The following MGAT5 variants were observed in gnomAD, a reference collection of about 807,000 sequenced individuals.
MGAT5 encodes alpha-1,6-mannosylglycoprotein 6-beta-N-acetylglucosaminyltransferase.
Under a neutral mutation model 94.3 loss-of-function variants are expected in MGAT5, and 30 were observed. The observed-to-expected ratio is 0.32, with a 90% CI of 0.24 to 0.43. The LOEUF (loss-of-function observed/expected upper bound fraction) is 0.43, where lower values mean the gene tolerates loss of function less well. MGAT5 is among the 20% of genes least tolerant of loss of function. MGAT5 has a pLI of 1.00. For missense variants in MGAT5, 691 were observed against 905.5 expected (o/e 0.76, Z 3.04); for synonymous variants, 310 against 322.9 (o/e 0.96, Z 0.43).
chr2:134,173,921 C>T (rs1049958969), intron 1 of MGAT5, among the ~76,000 whole-genome samples: 4 of 152,222 alleles, frequency 2.6e-5, no homozygotes, highest in African/African-American at 9.6e-5. Context: ...TTGGATCATC[C>T]TGAAGGTGGT....
chr2:134,364,325 C>T (rs1200838132), intron 10 of MGAT5, among the ~76,000 whole-genome samples: 1 of 152,098 alleles, frequency 6.6e-6, no homozygotes, highest in Non-Finnish European at 1.5e-5. Flanking sequence ...CATGGTGAAA[C>T]CCTGTCTGTA....
intron 1 of MGAT5, among the ~76,000 whole-genome samples, chr2:134,254,914 T>C (rs959065292): frequency 1.3e-5 from 2 of 152,220 alleles, no homozygotes; most frequent in African/African-American, 4.8e-5. Flanking sequence ...TAGCTCCTTC[T>C]CCCTGAACAC....
At chr2:134,304,012 T>G (rs910650475) in intron 2 of MGAT5, among the ~76,000 whole-genome samples, 1 of 152,210 alleles carries the variant, frequency 6.6e-6, no homozygotes, top group African/African-American at 2.4e-5. Context: ...ATTGTAAGTG[T>G]TATCTGTGGG....
At chr2:134,248,935 G>C (rs906599903) in intron 1 of MGAT5, among the ~76,000 whole-genome samples, 3 of 152,070 alleles carry the variant, frequency 2.0e-5, no homozygotes, top group African/African-American at 7.3e-5. Context: ...AGTGTTCTCA[G>C]GTGGGTTGAG....
At chr2:134,413,160 C>T (rs1018672038) in intron 12 of MGAT5, 145 bp downstream of exon 12, 5 of 882,810 alleles carry the variant, frequency 5.7e-6, no homozygotes, top group Admixed American at 2.7e-5. Flanking sequence ...GACCTGATCA[C>T]ATCACCTTGC....
At chr2:134,306,651 G>GA (rs1173253002) in intron 2 of MGAT5, among the ~76,000 whole-genome samples, 1 of 152,098 alleles carries the variant, frequency 6.6e-6, no homozygotes, top group Non-Finnish European at 1.5e-5. Context: ...TCCTGAGGGT[G>GA]AATGAGGCTA....
In MGAT5 at chr2:134,260,114, G is replaced by A. The variant is rs1001598253; in HGVS notation, c.241+5470G>A. On this transcript the variant is annotated intron_variant, in intron 1 of 15. Transcript: ENST00000281923. ...GGTAGAAGGGAGGCCACTGTAGCTA[G>A]AACGAAGCAAGCAAGCAGTGGCATG... Among the ~76,000 whole-genome samples, 3 of 152,180 alleles carry A rather than the reference G, an allele frequency of 2.0e-5. No individual in the cohort carries two copies. The South Asian group carries it at 6.2e-4, about 31-fold the overall frequency.
chr2:134,356,258 G>A (rs1018602622), intron 9 of MGAT5, among the ~76,000 whole-genome samples: 1 of 152,030 alleles, frequency 6.6e-6, no homozygotes, highest in Non-Finnish European at 1.5e-5. Flanking sequence ...AGCAGATGGG[G>A]GATTCTGGAG....
intron 9 of MGAT5, among the ~76,000 whole-genome samples, chr2:134,353,681 G>A (rs1323655335): frequency 6.6e-6 from 1 of 152,160 alleles, no homozygotes; most frequent in Non-Finnish European, 1.5e-5. Context: ...GAATGAATTA[G>A]AAAATGAGCG....
chr2:134,441,045 C>T lies in MGAT5; in HGVS notation c.1870-713C>T, dbSNP rs113541535. Among the ~76,000 whole-genome samples the T allele has an allele frequency of 1.1e-4, 16 of 152,234 alleles. 1 individual carries two copies. The highest frequency in any genetic ancestry group is 3.9e-4 in the African/African-American group (16 of 41,528). The stretch of plus-strand genomic sequence containing the variant: ...TTAACTCTTGTTAATATCAATTAGC[C>T]TGTTGTAAAATTGGTTTCTTTATAT... On this transcript the variant is annotated intron_variant, in intron 14 of 15. Transcript: ENST00000281923.
intron 11 of MGAT5, among the ~76,000 whole-genome samples, chr2:134,410,204 A>C (rs1683565265): frequency 6.6e-6 from 1 of 152,234 alleles, no homozygotes; most frequent in Admixed American, 6.5e-5. Flanking sequence ...GCAAGACCAT[A>C]AGTGCAAGGA....
rs186361789 is a variant in MGAT5, at chr2:134,131,009, C to T, written c.-143+10718C>T. 4.6e-3 allele frequency among the ~76,000 whole-genome samples: 698 copies of T among 152,320 alleles called. 2 individuals are homozygous for T. The highest frequency in any genetic ancestry group is 7.6e-3 in the Non-Finnish European group (514 of 68,022). ...GCTGCCTGAGCTGGCACTGGCAACC[C>T]CCTGGGGTCCCCTTCCATAGTGTGG... On this transcript the variant is annotated intron_variant, in intron 1 of 16. Coordinates refer to the MGAT5 transcript ENST00000409645.
chr2:134,389,140 C>T (rs554776142), intron 10 of MGAT5, among the ~76,000 whole-genome samples: 6 of 152,196 alleles, frequency 3.9e-5, no homozygotes, highest in African/African-American at 9.6e-5. Context: ...ACATAATGTC[C>T]GGTTATCTTG....
intron 1 of MGAT5, among the ~76,000 whole-genome samples, chr2:134,214,749 C>T (rs561453327): frequency 2.0e-5 from 3 of 152,256 alleles, no homozygotes; most frequent in Admixed American, 2.0e-4. Flanking sequence ...ATGTCGCAAC[C>T]TAACAGCCAA....
intron 1 of MGAT5, among the ~76,000 whole-genome samples, chr2:134,195,952 C>G (rs1337907852): frequency 6.6e-6 from 1 of 152,182 alleles, no homozygotes; most frequent in African/African-American, 2.4e-5. Flanking sequence ...CTTAATATAT[C>G]TGAGTGTCTA....
intron 13 of MGAT5, among the ~76,000 whole-genome samples, chr2:134,425,153 A>G (rs1490452156): frequency 3.3e-5 from 5 of 152,252 alleles, no homozygotes; most frequent in African/African-American, 1.2e-4. Context: ...GCTGAAAAGC[A>G]AAGATAAGGA....
intron 1 of MGAT5, among the ~76,000 whole-genome samples, chr2:134,185,481 A>C (rs763456828): frequency 4.6e-5 from 7 of 152,226 alleles, no homozygotes; most frequent in Non-Finnish European, 8.8e-5. Context: ...ATGTAAAGGC[A>C]GTGTTAATTA....
intron 2 of MGAT5, among the ~76,000 whole-genome samples, chr2:134,284,118 T>G (rs1181949760): frequency 2.0e-5 from 3 of 152,224 alleles, no homozygotes; most frequent in Admixed American, 2.0e-4. Flanking sequence ...AAGATTTAGA[T>G]GTTCTAACAT....
At chr2:134,359,034 G>A (rs1004071773) in intron 9 of MGAT5, among the ~76,000 whole-genome samples, 1 of 152,164 alleles carries the variant, frequency 6.6e-6, no homozygotes, top group Non-Finnish European at 1.5e-5. Context: ...GCTTAAAATA[G>A]TGTTTCTCTT....
Sources: allele counts gnomAD v4.1 joint callset (sites outside exome capture counted in the v4.1 genomes callset), GRCh38; gene constraint gnomAD v4.1.1; transcripts MANE v1.5; gene names NCBI Gene and HGNC (gene_info 2026-07-23, HGNC 2026-07-21).